The following LIMS1 variants were observed in gnomAD, a reference collection of about 807,000 sequenced individuals.
LIMS1 encodes the protein LIM zinc finger domain containing 1, also known as LIM and senescent cell antigen-like-containing domain protein 1.
In LIMS1, 18 loss-of-function variants were observed where a neutral mutation model predicts 44.1. The observed-to-expected ratio is 0.41, with a 90% confidence interval of 0.28 to 0.61. LIMS1 has a LOEUF of 0.61. Among genes scored for constraint, LIMS1 ranks in the 20% least tolerant of loss-of-function variants. LIMS1 has a pLI of 0.32. For missense variants in LIMS1, 201 were observed against 422.0 expected, an observed-to-expected ratio of 0.48 and a Z score of 4.59; for synonymous variants, 93 against 149.1, an observed-to-expected ratio of 0.62 and a Z score of 2.74.
At chr2:108,638,280 G>T (rs796651305) in intron 1 of LIMS1, among the ~76,000 whole-genome samples, 1 of 152,222 alleles carries the variant, frequency 6.6e-6, no homozygotes, top group Non-Finnish European at 1.5e-5. Context: ...GGAAAGTTAC[G>T]CCAAAGGCAA....
intron 1 of LIMS1, among the ~76,000 whole-genome samples, chr2:108,578,426 T>C (rs1685749984): frequency 6.6e-6 from 1 of 152,122 alleles, no homozygotes; most frequent in Admixed American, 6.6e-5. Flanking sequence ...TTAAATGTTA[T>C]AATATCTCCA....
At chr2:108,643,453 G>A (rs990115757) in intron 1 of LIMS1, among the ~76,000 whole-genome samples, 4 of 152,124 alleles carry the variant, frequency 2.6e-5, no homozygotes, top group Admixed American at 1.3e-4. Flanking sequence ...CATGCACCCC[G>A]GCCCAGATGT....
intron 1 of LIMS1, among the ~76,000 whole-genome samples, chr2:108,617,418 G>C (rs2148865204): frequency 6.6e-6 from 1 of 152,226 alleles, no homozygotes; most frequent in South Asian, 2.1e-4. Flanking sequence ...GTCTCACCAA[G>C]AAAGTAAATT....
chr2:108,571,700 A>G (rs10188434), intron 1 of LIMS1, among the ~76,000 whole-genome samples: 66,613 of 152,090 alleles, frequency 0.44, 16,074 homozygotes, highest in East Asian at 0.95. Context: ...TGTTTTAGAC[A>G]GTGAATCTTA....
At chr2:108,565,100 G>C (rs1685251846) in intron 1 of LIMS1, among the ~76,000 whole-genome samples, 1 of 152,184 alleles carries the variant, frequency 6.6e-6, no homozygotes, top group African/African-American at 2.4e-5. Context: ...TTGACCTCTG[G>C]AATACTTGAT....
At chr2:108,613,180 CGTCA>C in intron 1 of LIMS1, among the ~76,000 whole-genome samples, 1 of 152,244 alleles carries the variant, frequency 6.6e-6, no homozygotes, top group East Asian at 1.9e-4. Flanking sequence ...GGTACTCCAA[CGTCA>C]GTTGTTAGTA....
At chr2:108,667,549 A>AT (rs1321611682) in intron 2 of LIMS1, among the ~76,000 whole-genome samples, 1,401 of 73,400 alleles carry the variant, frequency 0.019, 16 homozygotes, top group African/African-American at 0.026. Context: ...AAAAAAAAAA[A>AT]AAATATATAT....
At chr2:108,635,653 C>G (rs1478112594) in intron 1 of LIMS1, among the ~76,000 whole-genome samples, 1 of 150,526 alleles carries the variant, frequency 6.6e-6, no homozygotes, top group East Asian at 2.0e-4. Context: ...TGAACTGAGA[C>G]CGCACCACTA....
chr2:108,674,615 G>T (rs1216748928), intron 5 of LIMS1, among the ~76,000 whole-genome samples: 5 of 148,320 alleles, frequency 3.4e-5, no homozygotes, highest in Non-Finnish European at 7.4e-5. Flanking sequence ...CAGCTACTCG[G>T]GAGGCTGAGG....
At chr2:108,679,933 A>G (rs1007570445) in intron 8 of LIMS1, among the ~76,000 whole-genome samples, 1 of 152,034 alleles carries the variant, frequency 6.6e-6, no homozygotes, top group Non-Finnish European at 1.5e-5. Context: ...CTCTCAGGAA[A>G]GAGGTTCTTG....
chr2:108,538,384 T>C (rs1684210334), intron 1 of LIMS1, among the ~76,000 whole-genome samples: 1 of 152,056 alleles, frequency 6.6e-6, no homozygotes, highest in African/African-American at 2.4e-5. Flanking sequence ...GCTTGATGAG[T>C]CTTCAGTGAC....
At chr2:108,648,602 C>T (rs7562093) in intron 1 of LIMS1, among the ~76,000 whole-genome samples, 1 of 152,062 alleles carries the variant, frequency 6.6e-6, no homozygotes, top group Admixed American at 6.5e-5. Context: ...TTTGTTACTA[C>T]AAAAACAGCA....
exon 10 of LIMS1, chr2:108,687,213 G>T (rs933506281): frequency 2.0e-5 from 3 of 152,066 alleles, no homozygotes; most frequent in African/African-American, 4.8e-5. Flanking sequence ...TATATTCTTG[G>T]TGCTTAATAA....
intron 1 of LIMS1, among the ~76,000 whole-genome samples, chr2:108,578,787 G>C (rs989239829): frequency 4.0e-5 from 6 of 151,766 alleles, no homozygotes; most frequent in African/African-American, 1.2e-4. Flanking sequence ...GTAGAGATGG[G>C]GTTTCACTGT....
intron 2 of LIMS1, among the ~76,000 whole-genome samples, chr2:108,668,129 A>G (rs1353006519): frequency 6.6e-6 from 1 of 152,198 alleles, no homozygotes; most frequent in Non-Finnish European, 1.5e-5. Flanking sequence ...ATACATGTAT[A>G]CATTGTGTAA....
chr2:108,671,209 T>C (rs1278489750), intron 3 of LIMS1, among the ~76,000 whole-genome samples: 2 of 152,056 alleles, frequency 1.3e-5, no homozygotes, highest in African/African-American at 4.8e-5. Flanking sequence ...TTCAGTCATT[T>C]CACACTGGTG....
chr2:108,656,139 C>G (rs1022434698), intron 1 of LIMS1, among the ~76,000 whole-genome samples: 1 of 138,886 alleles, frequency 7.2e-6, no homozygotes, highest in Non-Finnish European at 1.6e-5. Flanking sequence ...GGTGAACTCT[C>G]AAGAAGATTT....
intron 1 of LIMS1, among the ~76,000 whole-genome samples, chr2:108,595,302 T>C (rs1459357249): frequency 6.6e-6 from 1 of 152,140 alleles, no homozygotes; most frequent in East Asian, 1.9e-4. Flanking sequence ...CAAAGAATCT[T>C]TTCTTCCAGT....
At chr2:108,618,452 C>T (rs1688047010) in intron 1 of LIMS1, among the ~76,000 whole-genome samples, 1 of 152,146 alleles carries the variant, frequency 6.6e-6, no homozygotes, top group African/African-American at 2.4e-5. Context: ...GACCCCCTTC[C>T]CTGTGCTGAT....
Sources: allele counts gnomAD v4.1 joint callset (sites outside exome capture counted in the v4.1 genomes callset), GRCh38; gene constraint gnomAD v4.1.1; transcripts MANE v1.5; gene names NCBI Gene and HGNC (gene_info 2026-07-23, HGNC 2026-07-21).